The following SRPK2 variants were observed in gnomAD, a reference collection of about 807,000 sequenced individuals.
SRPK2 encodes the protein SRSF protein kinase 2.
A neutral mutation model predicts 90.8 loss-of-function variants in SRPK2; 21 were observed. The observed-to-expected ratio is 0.23, with a 90% CI of 0.16 to 0.33. SRPK2 has a LOEUF of 0.33. SRPK2 is among the 10% of genes least tolerant of loss of function. SRPK2 has a pLI of 1.00. For synonymous variants in SRPK2, 288 were observed against 311.1 expected, an observed-to-expected ratio of 0.93 and a Z score of 0.78; for missense variants, 620 against 869.0, an observed-to-expected ratio of 0.71 and a Z score of 3.60.
At chr7:105,365,836 C>T (rs1418336601) in intron 2 of SRPK2, among the ~76,000 whole-genome samples, 1 of 151,262 alleles carries the variant, frequency 6.6e-6, no homozygotes, top group Non-Finnish European at 1.5e-5. Flanking sequence ...GGCAGATAGC[C>T]TTTCTCCTCA....
intron 2 of SRPK2, among the ~76,000 whole-genome samples, chr7:105,364,514 C>T (rs1336095602): frequency 1.3e-5 from 2 of 151,780 alleles, no homozygotes; most frequent in African/African-American, 4.8e-5. Context: ...GCTTCTCCTG[C>T]CTCAGCCTCC....
chr7:105,307,380 A>G lies in SRPK2; in HGVS notation c.71+81268T>C, dbSNP rs548037860. ...ACCCAAAAAGAAGTATAGAGAACCAATGTGTAATAAGTAAGTGTTTTGCTC... is the reference window on the plus strand; with the variant it reads ...ACCCAAAAAGAAGTATAGAGAACCAGTGTGTAATAAGTAAGTGTTTTGCTC... On this transcript the variant is annotated intron_variant, in intron 2 of 15. Coordinates refer to ENST00000393651, the MANE Select transcript of SRPK2 (RefSeq NM_182692.3). Among the ~76,000 whole-genome samples, 24 of 152,348 alleles carry G rather than the reference A, an allele frequency of 1.6e-4. No homozygotes were observed. In the South Asian group the frequency reaches 4.1e-3, roughly 26 times the overall value.
chr7:105,326,946 C>T (rs954167216), intron 2 of SRPK2, among the ~76,000 whole-genome samples: 1 of 151,760 alleles, frequency 6.6e-6, no homozygotes, highest in African/African-American at 2.4e-5. Flanking sequence ...GCCTGTAATC[C>T]CAGCTACTCA....
chr7:105,261,395 C>T (rs1454906205), intron 2 of SRPK2, among the ~76,000 whole-genome samples: 1 of 151,992 alleles, frequency 6.6e-6, no homozygotes. Flanking sequence ...GTGGCGGGCG[C>T]CTGTAGTCCC....
chr7:105,301,902 T>A, intron 2 of SRPK2: 1 of 1,604,814 alleles, frequency 6.2e-7, no homozygotes, highest in Non-Finnish European at 8.5e-7. Context: ...AGCAATATCA[T>A]CTCAATTGAA....
intron 2 of SRPK2, among the ~76,000 whole-genome samples, chr7:105,296,600 T>C (rs1050960677): frequency 1.3e-5 from 2 of 152,118 alleles, no homozygotes; most frequent in Non-Finnish European, 2.9e-5. Flanking sequence ...GAAAATACAA[T>C]GGAAGTCCAC....
chr7:105,114,906 G>GTATT (rs1799541338), downstream of SRPK2, among the ~76,000 whole-genome samples: 1 of 152,142 alleles, frequency 6.6e-6, no homozygotes, highest in African/African-American at 2.4e-5. Flanking sequence ...TCTATTTATG[G>GTATT]TATTTAGTAA....
At chr7:105,180,039 T>C (rs1251837974) in intron 3 of SRPK2, among the ~76,000 whole-genome samples, 1 of 152,068 alleles carries the variant, frequency 6.6e-6, no homozygotes, top group East Asian at 1.9e-4. Flanking sequence ...GCTATTCCTA[T>C]CAAACTATAA....
rs1197365501 is a variant in SRPK2, at chr7:105,328,726, A to G, written c.71+59922T>C. On this transcript the variant is annotated intron_variant, in intron 2 of 15. Coordinates refer to ENST00000393651, the MANE Select transcript of SRPK2 (RefSeq NM_182692.3). ...AAAAATACAAAAAAATTAGCCGGGC[A>G]TAGCGGCAGGCACCTGTAGTCCCAG... Among the ~76,000 whole-genome samples the G allele has an allele frequency of 3.3e-5, 5 of 150,834 alleles. No individual in the cohort carries two copies. The East Asian group carries it at 9.9e-4, about 30-fold the overall frequency.
intron 2 of SRPK2, among the ~76,000 whole-genome samples, chr7:105,261,568 A>C (rs1804298740): frequency 6.6e-6 from 1 of 152,108 alleles, no homozygotes; most frequent in Admixed American, 6.6e-5. Flanking sequence ...TAAGACCTGT[A>C]ACCTTGACAG....
In SRPK2 at chr7:105,170,985, A is replaced by AAG. The variant is rs1389652225; in HGVS notation, c.230-1722_230-1721dup. 2.2e-4 allele frequency among the ~76,000 whole-genome samples: 30 copies of AAG among 135,864 alleles called. 2 individuals are homozygous for AAG. The highest frequency in any genetic ancestry group is 1.0e-3 in the South Asian group (4 of 3,904). 89.1% of individuals were successfully genotyped at this position (135,864 alleles called of 152,430 possible). ...AAAGAAAGAGAAAGAAAGAGAAAGA[A>AAG]AGAAAGAAAGAGAAAGAAAGAAAGA... On this transcript the variant is annotated intron_variant, in intron 3 of 15. Coordinates refer to ENST00000393651, the MANE Select transcript of SRPK2 (RefSeq NM_182692.3).
At chr7:105,358,182 C>G (rs999107957) in intron 2 of SRPK2, among the ~76,000 whole-genome samples, 1 of 147,298 alleles carries the variant, frequency 6.8e-6, no homozygotes, top group Non-Finnish European at 1.5e-5. Flanking sequence ...CGAGATCACG[C>G]CACTGCACTC....
At chr7:105,269,545 C>T (rs978230024) in intron 2 of SRPK2, among the ~76,000 whole-genome samples, 10 of 152,042 alleles carry the variant, frequency 6.6e-5, no homozygotes, top group African/African-American at 2.4e-4. Flanking sequence ...ACCCATTTAC[C>T]GAGCAGAGAT....
chr7:105,355,910 G>A (rs769459804), intron 2 of SRPK2, among the ~76,000 whole-genome samples: 8 of 151,962 alleles, frequency 5.3e-5, no homozygotes, highest in African/African-American at 1.7e-4. Flanking sequence ...TTAGCCAGGC[G>A]TGGTGGCATC....
chr7:105,146,948 T>C (rs140281015), intron 7 of SRPK2, among the ~76,000 whole-genome samples: 7 of 152,164 alleles, frequency 4.6e-5, no homozygotes, highest in African/African-American at 1.7e-4. Context: ...GGTTCCCTTA[T>C]ACACAGATTG....
intron 3 of SRPK2, among the ~76,000 whole-genome samples, chr7:105,185,626 T>C (rs1422716756): frequency 2.6e-5 from 4 of 151,810 alleles, no homozygotes; most frequent in African/African-American, 4.8e-5. Flanking sequence ...TTCTAAAAAA[T>C]GAGAAAGAGA....
At chr7:105,352,632 G>A (rs1817328630) in intron 2 of SRPK2, among the ~76,000 whole-genome samples, 1 of 152,262 alleles carries the variant, frequency 6.6e-6, no homozygotes, top group South Asian at 2.1e-4. Flanking sequence ...GGGTGTGGTG[G>A]CTCACGCCAG....
upstream of SRPK2, chr7:105,388,977 C>A (rs1822010792): frequency 5.6e-6 from 6 of 1,074,896 alleles, no homozygotes; most frequent in South Asian, 2.7e-4. Flanking sequence ...CGCCCCCGTC[C>A]GGCCCCGCCC....
At position 105,244,747 on chromosome 7, in the gene SRPK2, T is replaced by C. The variant is rs537798389; in HGVS notation, c.72-40962A>G. On this transcript the variant is annotated intron_variant, in intron 2 of 15. Transcript: ENST00000393651. ...CCAGGCACAGCCGCCGCCGCGGGCG[T>C]CTGACCAAACACACCAAGTTTGTGC... is the stretch of plus-strand genomic sequence containing the variant. 5 of 1,077,408 alleles carry C rather than the reference T, an allele frequency of 4.6e-6. No individual in the cohort carries two copies. In the South Asian group the frequency reaches 6.3e-5, roughly 14 times the overall value. 66.7% of individuals were successfully genotyped at this position (1,077,408 alleles called of 1,614,324 possible). A position where few individuals can be genotyped will look rare whatever the true frequency, so the allele number is the denominator to read the frequency against.
Sources: allele counts gnomAD v4.1 joint callset (sites outside exome capture counted in the v4.1 genomes callset), GRCh38; gene constraint gnomAD v4.1.1; transcripts MANE v1.5; gene names NCBI Gene and HGNC (gene_info 2026-07-23, HGNC 2026-07-21).